The following GNAO1 variants were observed in gnomAD, a reference collection of about 807,000 sequenced individuals.
The protein encoded by GNAO1 is guanine nucleotide-binding protein G(o) subunit alpha.
For missense variants in GNAO1, 166 were observed against 478.7 expected (o/e 0.35, Z 6.10); for synonymous variants, 164 against 180.7 (o/e 0.91, Z 0.74).
intron 5 of GNAO1, 85 bp downstream of exon 5, chr16:56,334,942 C>CA: frequency 7.0e-7 from 1 of 1,426,810 alleles, no homozygotes; most frequent in South Asian, 1.2e-5. Flanking sequence ...TTACAGCGCC[C>CA]AAACATCATC....
At chr16:56,331,985 C>T (rs1327379519) in intron 4 of GNAO1, among the ~76,000 whole-genome samples, 1 of 152,196 alleles carries the variant, frequency 6.6e-6, no homozygotes, top group Non-Finnish European at 1.5e-5. Context: ...GCTCGTCCTC[C>T]TGTATCCCAC....
chr16:56,331,223 T>C (rs1333584082), intron 4 of GNAO1, among the ~76,000 whole-genome samples: 1 of 152,192 alleles, frequency 6.6e-6, no homozygotes, highest in African/African-American at 2.4e-5. Context: ...GAGCAGGCTC[T>C]TGGTGCACCC....
At position 56,238,705 on chromosome 16, in the gene GNAO1, C is replaced by T. The variant is rs2036665285; in HGVS notation, c.162-37226C>T. 2.0e-5 allele frequency among the ~76,000 whole-genome samples: 3 copies of T among 152,220 alleles called. No individual in the cohort carries two copies. The South Asian group carries it at 6.2e-4, about 32-fold the overall frequency. ...GCCCATTGGCATAGCATGTGCTTCC[C>T]ACACACGCATTTTTTAAAGTAATAA... On this transcript the variant is annotated intron_variant, in intron 2 of 8. Transcript: ENST00000262493.
At chr16:56,249,070 T>G (rs965176603) in intron 2 of GNAO1, among the ~76,000 whole-genome samples, 13 of 152,154 alleles carry the variant, frequency 8.5e-5, no homozygotes, top group African/African-American at 2.7e-4. Flanking sequence ...TGGTAGTGAT[T>G]TAGGGAGGTA....
At chr16:56,196,004 GTTC>G (rs2036229149) in intron 2 of GNAO1, among the ~76,000 whole-genome samples, 1 of 152,054 alleles carries the variant, frequency 6.6e-6, no homozygotes, top group Non-Finnish European at 1.5e-5. Context: ...CTGACATAAA[GTTC>G]TTCTGCTTGA....
At chr16:56,329,802 G>A (rs1469907333) in intron 4 of GNAO1, among the ~76,000 whole-genome samples, 2 of 152,022 alleles carry the variant, frequency 1.3e-5, no homozygotes, top group Non-Finnish European at 2.9e-5. Context: ...TTGCCTCCAG[G>A]GGACATTCAG....
At chr16:56,217,670 G>T (rs1449728821) in intron 2 of GNAO1, among the ~76,000 whole-genome samples, 4 of 152,144 alleles carry the variant, frequency 2.6e-5, no homozygotes, top group Admixed American at 2.6e-4. Context: ...TAATCATCAG[G>T]CATTATAACA....
intron 2 of GNAO1, among the ~76,000 whole-genome samples, chr16:56,228,199 C>T (rs568792021): frequency 6.6e-6 from 1 of 152,268 alleles, no homozygotes; most frequent in South Asian, 2.1e-4. Context: ...TTATGTGTTC[C>T]AAGTGCAACC....
At chr16:56,341,790 C>T (rs527510630) in intron 6 of GNAO1, among the ~76,000 whole-genome samples, 1 of 152,308 alleles carries the variant, frequency 6.6e-6, no homozygotes, top group African/African-American at 2.4e-5. Context: ...AGAGCGGTTA[C>T]AGGGCCCCAG....
At chr16:56,264,630 G>A (rs2036934635) in intron 2 of GNAO1, among the ~76,000 whole-genome samples, 1 of 151,822 alleles carries the variant, frequency 6.6e-6, no homozygotes, top group Non-Finnish European at 1.5e-5. Flanking sequence ...CATTCCTCTG[G>A]GGGACTGATT....
chr16:56,280,096 G>C (rs2037100480), intron 3 of GNAO1, among the ~76,000 whole-genome samples: 1 of 152,206 alleles, frequency 6.6e-6, no homozygotes, highest in South Asian at 2.1e-4. Context: ...TGTCGGGCTG[G>C]TACTAAGCCA....
chr16:56,228,924 T>C (rs1310997966), intron 2 of GNAO1, among the ~76,000 whole-genome samples: 1 of 152,246 alleles, frequency 6.6e-6, no homozygotes, highest in Admixed American at 6.5e-5. Context: ...TTGTTATACA[T>C]GTTTGTTAGT....
chr16:56,346,017 C>T (rs1460913844), intron 6 of GNAO1: 3 of 984,964 alleles, frequency 3.0e-6, no homozygotes, highest in Non-Finnish European at 3.6e-6. Context: ...CCTTCCCTGT[C>T]CCTAGAACTG....
chr16:56,281,547 T>G (rs1251078587), intron 3 of GNAO1, among the ~76,000 whole-genome samples: 1 of 151,966 alleles, frequency 6.6e-6, no homozygotes, highest in Non-Finnish European at 1.5e-5. Context: ...CCGCCTTCCC[T>G]TTTTCCCTTT....
chr16:56,309,130 T>C (rs1307279364), intron 3 of GNAO1, among the ~76,000 whole-genome samples: 4 of 152,078 alleles, frequency 2.6e-5, no homozygotes, highest in Non-Finnish European at 5.9e-5. Flanking sequence ...AGTGCTCTCC[T>C]AGCTGCTGTG....
intron 2 of GNAO1, among the ~76,000 whole-genome samples, chr16:56,243,045 G>C (rs1253851935): frequency 6.6e-6 from 1 of 151,860 alleles, no homozygotes; most frequent in Non-Finnish European, 1.5e-5. Context: ...ACATGCAAGG[G>C]ATCTAGGTTG....
intron 3 of GNAO1, chr16:56,276,297 C>T (rs907940126): frequency 4.2e-5 from 17 of 406,208 alleles, no homozygotes; most frequent in South Asian, 2.6e-4. Context: ...ACAAAACTCC[C>T]GGATTTATTT....
At position 56,330,166 on chromosome 16, in the gene GNAO1, C is replaced by A. The variant is rs144611440; in HGVS notation, c.464+1375C>A. ...GAGTCCCAGGTGATGACTACCTAGG[C>A]CCCCGGGCCTGATGAGCTCCCAGGG... On this transcript the variant is annotated intron_variant, in intron 4 of 8. Coordinates refer to ENST00000262493, the MANE Select transcript of GNAO1 (RefSeq NM_020988.3). 5.2e-3 allele frequency among the ~76,000 whole-genome samples: 788 copies of A among 152,308 alleles called. 6 individuals carry two copies. The highest frequency in any genetic ancestry group is 0.018 in the African/African-American group (749 of 41,568).
At chr16:56,220,637 A>C (rs943486653) in intron 2 of GNAO1, among the ~76,000 whole-genome samples, 1 of 152,364 alleles carries the variant, frequency 6.6e-6, no homozygotes, top group African/African-American at 2.4e-5. Flanking sequence ...AAATTCATGT[A>C]GAAACTTAAT....
Sources: gnomAD v4.1 joint callset for allele counts (sites outside exome capture counted in the v4.1 genomes callset) on GRCh38, gnomAD v4.1.1 for gene constraint, MANE v1.5 for transcripts, NCBI Gene and HGNC (gene_info 2026-07-23, HGNC 2026-07-21) for gene names.